Variants in PCDH15 observed in about 807,000 individuals in gnomAD.
The protein encoded by PCDH15 is protocadherin related 15, also known as protocadherin-15.
In PCDH15, 129 loss-of-function variants were observed where a neutral mutation model predicts 178.5. The observed-to-expected ratio is 0.72, with a 90% CI of 0.63 to 0.84. The LOEUF (loss-of-function observed/expected upper bound fraction) is 0.84, where lower values mean the gene tolerates loss of function less well. Among genes scored for constraint, PCDH15 ranks in the 40% least tolerant of loss-of-function variants. The pLI, the probability that PCDH15 is intolerant of heterozygous loss-of-function variation, is 0.00. For synonymous variants in PCDH15, 800 were observed against 732.0 expected, an observed-to-expected ratio of 1.09 and a Z score of -1.50; for missense variants, 2,230 against 2,099.9, an observed-to-expected ratio of 1.06 and a Z score of -1.21.
chr10:53,944,816 G>A (rs1182001048), intron 23 of PCDH15, among the ~76,000 whole-genome samples: 1 of 152,200 alleles, frequency 6.6e-6, no homozygotes, highest in Admixed American at 6.5e-5. Context: ...ACATGGGAGA[G>A]GCTAGTGGTT....
intron 2 of PCDH15, among the ~76,000 whole-genome samples, chr10:54,942,103 C>T (rs956253842): frequency 6.6e-6 from 1 of 152,040 alleles, no homozygotes; most frequent in Non-Finnish European, 1.5e-5. Context: ...CAAAGGCCAA[C>T]GTTTATGGCT....
At chr10:55,165,351 T>C (rs1229011376) in intron 2 of PCDH15, among the ~76,000 whole-genome samples, 3 of 151,952 alleles carry the variant, frequency 2.0e-5, no homozygotes, top group African/African-American at 7.2e-5. Flanking sequence ...GCCTCAAATC[T>C]GTTTAAGTGT....
intron 3 of PCDH15, among the ~76,000 whole-genome samples, chr10:54,441,197 C>T (rs760542374): frequency 4.0e-4 from 60 of 151,842 alleles, no homozygotes; most frequent in Admixed American, 5.3e-4. Context: ...TGTAGCAATT[C>T]AGATTTTCTC....
intron 2 of PCDH15, among the ~76,000 whole-genome samples, chr10:54,543,593 A>C (rs2085507943): frequency 6.6e-6 from 1 of 152,210 alleles, no homozygotes; most frequent in Admixed American, 6.5e-5. Flanking sequence ...TGTTTTTAAA[A>C]ATAATATTTC....
chr10:54,215,447 C>T (rs930004940), intron 9 of PCDH15, among the ~76,000 whole-genome samples: 1 of 152,058 alleles, frequency 6.6e-6, no homozygotes, highest in Non-Finnish European at 1.5e-5. Context: ...GAAGTTATCC[C>T]TCCTAATAGG....
At chr10:54,246,379 T>C (rs2055925671) in intron 8 of PCDH15, among the ~76,000 whole-genome samples, 1 of 151,892 alleles carries the variant, frequency 6.6e-6, no homozygotes, top group Non-Finnish European at 1.5e-5. Context: ...AAGATTTGTT[T>C]TACCTGTTTT....
At chr10:54,584,373 G>A (rs1009491589) in intron 2 of PCDH15, among the ~76,000 whole-genome samples, 2 of 152,024 alleles carry the variant, frequency 1.3e-5, no homozygotes, top group African/African-American at 4.8e-5. Flanking sequence ...CTGTACTCAG[G>A]CCTAGGTGAC....
intron 2 of PCDH15, among the ~76,000 whole-genome samples, chr10:55,001,432 C>T (rs1839792308): frequency 6.6e-6 from 1 of 152,316 alleles, no homozygotes; most frequent in East Asian, 1.9e-4. Flanking sequence ...TGAGGCCCTT[C>T]ATGGATTCCA....
At chr10:55,343,772 T>C (rs1044729386) in intron 2 of PCDH15, among the ~76,000 whole-genome samples, 1 of 152,148 alleles carries the variant, frequency 6.6e-6, no homozygotes, top group African/African-American at 2.4e-5. Context: ...TATTAACTTA[T>C]TCAAACAAGG....
At chr10:54,419,665 C>T (rs1756435904) in intron 3 of PCDH15, among the ~76,000 whole-genome samples, 1 of 152,052 alleles carries the variant, frequency 6.6e-6, no homozygotes. Context: ...GAAGTGTGCT[C>T]TAATAAATAC....
intron 2 of PCDH15, among the ~76,000 whole-genome samples, chr10:55,598,754 G>A (rs970479092): frequency 1.3e-5 from 2 of 151,624 alleles, no homozygotes; most frequent in African/African-American, 4.8e-5. Context: ...ACACAAGCCC[G>A]TCACCCTCTT....
chr10:55,524,522 A>C (rs1841260110), intron 2 of PCDH15, among the ~76,000 whole-genome samples: 1 of 151,610 alleles, frequency 6.6e-6, no homozygotes. Flanking sequence ...TATGTTCTTA[A>C]ATGTATTGCA....
chr10:55,335,031 T>C (rs1197377519), intron 2 of PCDH15, among the ~76,000 whole-genome samples: 1 of 152,142 alleles, frequency 6.6e-6, no homozygotes, highest in African/African-American at 2.4e-5. Flanking sequence ...AGTCAAAACA[T>C]TTAAAGAGTG....
intron 11 of PCDH15, among the ~76,000 whole-genome samples, chr10:54,188,689 TAAAC>T (rs1180132298): frequency 2.6e-5 from 4 of 151,880 alleles, no homozygotes; most frequent in Non-Finnish European, 4.4e-5. Context: ...GAATATAAAA[TAAAC>T]AAGCATTCTA....
chr10:53,921,750 C>T (rs114136813), intron 25 of PCDH15, among the ~76,000 whole-genome samples: 14 of 152,278 alleles, frequency 9.2e-5, no homozygotes, highest in African/African-American at 3.1e-4. Flanking sequence ...TCTTGCTGTA[C>T]AAGCCACCAA....
intron 3 of PCDH15, among the ~76,000 whole-genome samples, chr10:54,512,697 G>GTT (rs1023193382): frequency 1.3e-5 from 2 of 151,940 alleles, no homozygotes; most frequent in Non-Finnish European, 2.9e-5. Flanking sequence ...ATGCAGAATA[G>GTT]TTATTTTTTA....
chr10:55,548,575 G>A (rs1275560469), intron 2 of PCDH15, among the ~76,000 whole-genome samples: 1 of 152,116 alleles, frequency 6.6e-6, no homozygotes, highest in African/African-American at 2.4e-5. Flanking sequence ...CAGTTCTTGT[G>A]GTCATGCTTA....
intron 20 of PCDH15, among the ~76,000 whole-genome samples, chr10:54,001,036 A>G (rs2092109601): frequency 7.7e-6 from 1 of 129,084 alleles, no homozygotes; most frequent in East Asian, 2.3e-4. Context: ...GTGGCATGTC[A>G]TACTTAAAGT....
chr10:54,328,865 G>A (rs1312311371), intron 7 of PCDH15, among the ~76,000 whole-genome samples: 1 of 151,826 alleles, frequency 6.6e-6, no homozygotes, highest in African/African-American at 2.4e-5. Context: ...CAAACATTGA[G>A]CTGCATAATT....
Sources: allele counts gnomAD v4.1 joint callset (sites outside exome capture counted in the v4.1 genomes callset), GRCh38; gene constraint gnomAD v4.1.1; transcripts MANE v1.5; gene names NCBI Gene and HGNC (gene_info 2026-07-23, HGNC 2026-07-21).